The following PCDHA13 variants were observed in gnomAD, a reference collection of about 807,000 sequenced individuals.
The protein encoded by PCDHA13 is protocadherin alpha 13.
A neutral mutation model predicts 64.8 loss-of-function variants in PCDHA13; 54 were observed. The observed-to-expected ratio is 0.83, with a 90% CI of 0.67 to 1.04. The LOEUF (loss-of-function observed/expected upper bound fraction) is 1.04. Among genes scored for constraint, PCDHA13 ranks in the 50% least tolerant of loss-of-function variants. The pLI, the probability that PCDHA13 is intolerant of heterozygous loss-of-function variation, is 0.00. For missense variants in PCDHA13, 1,248 were observed against 1,254.3 expected (o/e 0.99, Z 0.08); for synonymous variants, 587 against 564.4 (o/e 1.04, Z -0.57).
intron 1 of PCDHA13, among the ~76,000 whole-genome samples, chr5:140,937,247 C>T (rs1370735573): frequency 6.6e-6 from 1 of 151,974 alleles, no homozygotes; most frequent in Non-Finnish European, 1.5e-5. Context: ...CCGTGTTAGC[C>T]AGGATGGTCT....
intron 1 of PCDHA13, chr5:140,928,178 G>A: frequency 6.2e-7 from 1 of 1,614,192 alleles, no homozygotes. Context: ...AGCACCCGAA[G>A]GACAATCACT....
intron 1 of PCDHA13, among the ~76,000 whole-genome samples, chr5:140,962,961 T>C (rs1483172996): frequency 1.3e-5 from 2 of 152,148 alleles, no homozygotes; most frequent in African/African-American, 4.8e-5. Flanking sequence ...TCTATCCCTA[T>C]ATAGGAAATT....
chr5:140,989,127 A>G (rs914524582), intron 3 of PCDHA13: 2 of 152,216 alleles, frequency 1.3e-5, no homozygotes, highest in Non-Finnish European at 2.9e-5. Context: ...TAGAAAAATA[A>G]GACACTTTAT....
At chr5:140,920,910 A>C (rs2153559145) in intron 1 of PCDHA13, among the ~76,000 whole-genome samples, 1 of 151,920 alleles carries the variant, frequency 6.6e-6, no homozygotes, top group East Asian at 1.9e-4. Context: ...TTCTCAAATC[A>C]GTTCCAAGAG....
intron 1 of PCDHA13, among the ~76,000 whole-genome samples, chr5:140,918,002 A>G (rs2153546564): frequency 1.3e-5 from 2 of 152,244 alleles, no homozygotes; most frequent in South Asian, 4.2e-4. Context: ...TATCTTAACA[A>G]TGTTGTTTCT....
intron 1 of PCDHA13, among the ~76,000 whole-genome samples, chr5:140,924,911 TA>T (rs1563069164): frequency 3.0e-4 from 18 of 59,772 alleles, no homozygotes; most frequent in Middle Eastern, 7.5e-3. Flanking sequence ...AAAAATAAAA[TA>T]AAATAAAATA....
At chr5:140,965,893 C>G (rs1173111476) in intron 1 of PCDHA13, among the ~76,000 whole-genome samples, 1 of 152,226 alleles carries the variant, frequency 6.6e-6, no homozygotes, top group Non-Finnish European at 1.5e-5. Context: ...AGAATTGAGT[C>G]TTGGATCCCA....
rs181858092 is a variant in PCDHA13 at position 140,895,275 on chromosome 5, A to G, written c.2394+10613A>G. The stretch of plus-strand genomic sequence containing the variant: ...TTTCTTTTTTTTCTTACTCAGGGAT[A>G]ATTGAATTAGGACCTTCGATTTCCC... On this transcript the variant is annotated intron_variant, in intron 1 of 3. Transcript: ENST00000289272. 2.0e-5 allele frequency among the ~76,000 whole-genome samples: 3 copies of G among 152,146 alleles called. No individual in the cohort carries two copies. The East Asian group carries it at 5.8e-4, about 29-fold the overall frequency.
chr5:140,944,664 T>A (rs2093679523), intron 1 of PCDHA13, among the ~76,000 whole-genome samples: 1 of 152,202 alleles, frequency 6.6e-6, no homozygotes, highest in South Asian at 2.1e-4. Context: ...ACCCCTTATT[T>A]ATCTATTCTG....
At chr5:140,897,712 G>A (rs1180745180) in intron 1 of PCDHA13, among the ~76,000 whole-genome samples, 3 of 152,162 alleles carry the variant, frequency 2.0e-5, no homozygotes, top group African/African-American at 7.2e-5. Context: ...CCAGTAATGG[G>A]ATGGCTGGGT....
chr5:140,969,700 A>G (rs2096354004), intron 1 of PCDHA13, among the ~76,000 whole-genome samples: 1 of 152,178 alleles, frequency 6.6e-6, no homozygotes. Context: ...CCTCTGCTGT[A>G]TCATCTACAG....
chr5:140,887,197 C>T (rs1348316837), intron 1 of PCDHA13, among the ~76,000 whole-genome samples: 1 of 151,678 alleles, frequency 6.6e-6, no homozygotes, highest in Non-Finnish European at 1.5e-5. Flanking sequence ...CCCGGGTTCA[C>T]GCCATTCTCC....
chr5:140,966,826 GC>G, intron 1 of PCDHA13: 1 of 1,560,690 alleles, frequency 6.4e-7, no homozygotes, highest in Non-Finnish European at 8.6e-7. Flanking sequence ...GGCGGCCCAT[GC>G]CCTGGCTGCT....
intron 1 of PCDHA13, among the ~76,000 whole-genome samples, chr5:140,923,395 G>A (rs782033907): frequency 6.6e-6 from 1 of 152,240 alleles, no homozygotes; most frequent in South Asian, 2.1e-4. Flanking sequence ...GGGCATGGTG[G>A]TGTGTGCCTA....
rs1554214040 is a variant in PCDHA13, at chr5:140,941,214, C to CCTTCCTTTCTTTCTTTCTTTCTTTCTTT, written c.2395-37732_2395-37731insCCTTTCTTTCTTTCTTTCTTTCTTTCTT. Reference sequence around the variant, plus strand: ...TTTTTTCTTTCTTCCTTTCTTTCTTCCTTTCTTTCTTTCTTTCTTTCTTTC... The same window carrying CCTTCCTTTCTTTCTTTCTTTCTTTCTTT: ...TTTTTTCTTTCTTCCTTTCTTTCTTCCTTCCTTTCTTTCTTTCTTTCTTTCTTTCTTTCTTTCTTTCTTTCTTTCTTTC... On this transcript the variant is annotated intron_variant, in intron 1 of 3. Transcript: ENST00000289272. Among the ~76,000 whole-genome samples, 25 of 122,492 alleles carry CCTTCCTTTCTTTCTTTCTTTCTTTCTTT rather than the reference C, an allele frequency of 2.0e-4. 1 individual carries two copies. Among genetic ancestry groups the CCTTCCTTTCTTTCTTTCTTTCTTTCTTT allele is most frequent in the East Asian group, 4.6e-4 (2 of 4,322 alleles). The allele number at this position is 122,492 out of a possible 152,430, so 80.4% of individuals were successfully genotyped here.
intron 1 of PCDHA13, among the ~76,000 whole-genome samples, chr5:140,948,492 A>G (rs915795889): frequency 4.0e-5 from 6 of 151,594 alleles, no homozygotes; most frequent in Non-Finnish European, 8.9e-5. Flanking sequence ...AATTTCTTTC[A>G]TAGACTTTCT....
At chr5:140,909,812 A>T (rs1353892202) in intron 1 of PCDHA13, among the ~76,000 whole-genome samples, 1 of 151,982 alleles carries the variant, frequency 6.6e-6, no homozygotes, top group Non-Finnish European at 1.5e-5. Context: ...AAAACTCCAT[A>T]AGCCCCTACT....
chr5:140,960,308 C>A (rs1387326739), intron 1 of PCDHA13, among the ~76,000 whole-genome samples: 1 of 152,122 alleles, frequency 6.6e-6, no homozygotes, highest in African/African-American at 2.4e-5. Flanking sequence ...CAATACCAAC[C>A]TCATTAGGGT....
At chr5:141,003,968 G>A (rs1262948428) in intron 3 of PCDHA13, among the ~76,000 whole-genome samples, 1 of 152,148 alleles carries the variant, frequency 6.6e-6, no homozygotes, top group Non-Finnish European at 1.5e-5. Flanking sequence ...GGAGCATAAG[G>A]GAGGGGACTT....
Sources: allele counts gnomAD v4.1 joint callset (sites outside exome capture counted in the v4.1 genomes callset), GRCh38; gene constraint gnomAD v4.1.1; transcripts MANE v1.5; gene names NCBI Gene and HGNC (gene_info 2026-07-23, HGNC 2026-07-21).